The following MFHAS1 variants were observed in gnomAD, a reference collection of about 807,000 sequenced individuals.
MFHAS1 encodes malignant fibrous histiocytoma-amplified sequence 1.
In MFHAS1, 50 loss-of-function variants were observed where a neutral mutation model predicts 70.4. That is an observed-to-expected ratio of 0.71 (90% CI 0.57 to 0.90). The LOEUF (loss-of-function observed/expected upper bound fraction) is 0.90. Among genes scored for constraint, MFHAS1 ranks in the 40% least tolerant of loss-of-function variants. The pLI is 0.00. For synonymous variants in MFHAS1, 952 were observed against 620.0 expected (o/e 1.54, Z -7.96); for missense variants, 1,795 against 1,347.6 (o/e 1.33, Z -5.20).
chr8:8,869,232 G>A (rs1247046029), intron 1 of MFHAS1, among the ~76,000 whole-genome samples: 2 of 152,114 alleles, frequency 1.3e-5, no homozygotes, highest in Non-Finnish European at 2.9e-5. Context: ...CACAGAACAG[G>A]ATAGCAAAAC....
At chr8:8,790,004 T>C (rs1301509394) in intron 2 of MFHAS1, among the ~76,000 whole-genome samples, 1 of 152,186 alleles carries the variant, frequency 6.6e-6, no homozygotes, top group Middle Eastern at 3.2e-3. Flanking sequence ...CTTTCCTGTG[T>C]AGTTCCTGAA....
At chr8:8,830,008 G>A (rs1807323045) in intron 1 of MFHAS1, among the ~76,000 whole-genome samples, 1 of 152,138 alleles carries the variant, frequency 6.6e-6, no homozygotes, top group African/African-American at 2.4e-5. Context: ...TCTGGGGTGT[G>A]GCCTGGGATT....
At chr8:8,877,161 A>G (rs1809328297) in intron 1 of MFHAS1, among the ~76,000 whole-genome samples, 1 of 151,854 alleles carries the variant, frequency 6.6e-6, no homozygotes. Flanking sequence ...CTAACTGGGC[A>G]TGGTGGCATG....
chr8:8,854,404 C>G (rs1200378754), intron 1 of MFHAS1, among the ~76,000 whole-genome samples: 11 of 152,166 alleles, frequency 7.2e-5, no homozygotes, highest in Non-Finnish European at 1.2e-4. Flanking sequence ...GCCTACAGTC[C>G]CAGCTACTCC....
At chr8:8,812,709 C>T (rs1806594871) in intron 1 of MFHAS1, among the ~76,000 whole-genome samples, 2 of 152,068 alleles carry the variant, frequency 1.3e-5, no homozygotes, top group African/African-American at 4.8e-5. Context: ...CTTGTTTTTG[C>T]CATAGGTTTT....
chr8:8,786,243 T>C (rs1284245840), intron 2 of MFHAS1, among the ~76,000 whole-genome samples, 188 bp from the exon 3 acceptor site: 1 of 152,260 alleles, frequency 6.6e-6, no homozygotes, highest in Non-Finnish European at 1.5e-5. Flanking sequence ...AGAGTCATTT[T>C]AGCAGTCTAT....
chr8:8,845,838 G>C (rs1335959965), intron 1 of MFHAS1, among the ~76,000 whole-genome samples: 1 of 152,064 alleles, frequency 6.6e-6, no homozygotes, highest in Non-Finnish European at 1.5e-5. Context: ...AGCTTTCCCA[G>C]TTCAATAAAT....
chr8:8,877,722 G>A (rs948761640), intron 1 of MFHAS1, among the ~76,000 whole-genome samples: 19 of 152,032 alleles, frequency 1.2e-4, no homozygotes, highest in African/African-American at 2.9e-4. Flanking sequence ...CTACCCTTCC[G>A]TTTTCCCAGC....
chr8:8,803,595 T>A (rs1806161773), intron 1 of MFHAS1, among the ~76,000 whole-genome samples: 1 of 114,358 alleles, frequency 8.7e-6, no homozygotes, highest in African/African-American at 2.7e-5. Flanking sequence ...CTTGTCATTA[T>A]TCCCTAAACA....
At chr8:8,838,704 T>G (rs1461706214) in intron 1 of MFHAS1, among the ~76,000 whole-genome samples, 1 of 151,348 alleles carries the variant, frequency 6.6e-6, no homozygotes, top group Non-Finnish European at 1.5e-5. Context: ...TTCCAGCTAC[T>G]CAGGAGGGTG....
At chr8:8,873,619 C>T (rs1205073110) in intron 1 of MFHAS1, among the ~76,000 whole-genome samples, 2 of 151,924 alleles carry the variant, frequency 1.3e-5, no homozygotes, top group Non-Finnish European at 2.9e-5. Flanking sequence ...ATAAAACATC[C>T]AAGAAACATT....
chr8:8,880,389 CT>C (rs1809472376), intron 1 of MFHAS1, among the ~76,000 whole-genome samples: 1 of 152,038 alleles, frequency 6.6e-6, no homozygotes, highest in South Asian at 2.1e-4. Context: ...TTTAAAATGG[CT>C]TTTTCATATT....
chr8:8,887,863 A>C lies in MFHAS1; in HGVS notation c.2998+2198T>G, dbSNP rs28448415. Among the ~76,000 whole-genome samples, 690 of 129,400 alleles carry C rather than the reference A, an allele frequency of 5.3e-3. 5 individuals are homozygous for C. Among genetic ancestry groups the C allele is most frequent in the African/African-American group, 0.019 (589 of 31,580 alleles). 84.9% of individuals were successfully genotyped at this position (129,400 alleles called of 152,430 possible). On this transcript the variant is annotated intron_variant, in intron 1 of 2. Coordinates refer to ENST00000276282, the MANE Select transcript of MFHAS1 (RefSeq NM_004225.3). ...AGCTGACGTTAGCAAAAAAAACAAA[A>C]AAAAAAAAAAAAAAACCTCCAGCCT...
At position 8,893,099 on chromosome 8, in the gene MFHAS1, C is replaced by G; in HGVS notation, c.-41G>C. ...CGACAGCCTCACGCGGACGCGGGAG[C>G]CCGCAGCTACATGCCGCGCCGCGCC... On this transcript the variant is annotated 5_prime_UTR_variant, in exon 1 of 3. Coordinates refer to ENST00000276282, the MANE Select transcript of MFHAS1 (RefSeq NM_004225.3). 1 of 1,377,446 alleles carries G rather than the reference C, an allele frequency of 7.3e-7. No homozygotes were observed. Among genetic ancestry groups the G allele is most frequent in the Non-Finnish European group, 9.4e-7 (1 of 1,058,564 alleles). 85.3% of individuals were successfully genotyped at this position (1,377,446 alleles called of 1,614,324 possible).
At chr8:8,815,516 T>C (rs1010732081) in intron 1 of MFHAS1, among the ~76,000 whole-genome samples, 1 of 152,212 alleles carries the variant, frequency 6.6e-6, no homozygotes, top group African/African-American at 2.4e-5. Flanking sequence ...CTCCACAGCT[T>C]CGCCAGCATC....
intron 1 of MFHAS1, among the ~76,000 whole-genome samples, chr8:8,875,869 G>A (rs896518276): frequency 6.6e-6 from 1 of 152,180 alleles, no homozygotes; most frequent in Middle Eastern, 3.2e-3. Context: ...TTACAGGTGT[G>A]AGCCACCATG....
intron 1 of MFHAS1, among the ~76,000 whole-genome samples, chr8:8,838,639 C>G (rs902696217): frequency 6.6e-6 from 1 of 152,024 alleles, no homozygotes; most frequent in Non-Finnish European, 1.5e-5. Flanking sequence ...ATGGCAAAAC[C>G]GTGTCTCTAC....
Position 8,865,621 on chromosome 8 carries a change from T to C in MFHAS1, c.2998+24440A>G, listed in dbSNP as rs531645843. On this transcript the variant is annotated intron_variant, in intron 1 of 2. Coordinates refer to ENST00000276282, the MANE Select transcript of MFHAS1 (RefSeq NM_004225.3). ...AAACTTCATTTTAGAAAATGGCTGT[T>C]AAGTACAATTGTATATCACTCAACT... 6.6e-5 allele frequency among the ~76,000 whole-genome samples: 10 copies of C among 152,334 alleles called. No individual in the cohort carries two copies. The East Asian group carries it at 1.5e-3, about 23-fold the overall frequency.
chr8:8,892,659 G>C lies in MFHAS1; in HGVS notation c.400C>G (p.Leu134Val). 1 of 1,591,660 alleles carries C rather than the reference G, an allele frequency of 6.3e-7. No homozygotes were observed. The highest frequency in any genetic ancestry group is 8.5e-7 in the Non-Finnish European group (1 of 1,169,710). Reference protein sequence around the residue: ...TALGAEVVSALRELRKLNLSH... With the variant: ...TALGAEVVSAVRELRKLNLSH... ...AGGTTGAGCTTCCGCAGCTCCCTCA[G>C]AGCACTCACCACCTCCGCGCCCAGG... The change falls in exon 1 of 3, where the codon CTG (leucine) becomes GTG (valine). Residue 134 changes from leucine (L) to valine (V), a missense_variant. Physicochemically the swap from Leu to Val is conservative, Grantham distance 32 (BLOSUM62 1). Transcript: ENST00000276282. The surrounding 1 kb of genome is among the most constrained non-coding windows in gnomAD (Gnocchi z 4.7).
Sources: allele counts gnomAD v4.1 joint callset (sites outside exome capture counted in the v4.1 genomes callset), GRCh38; gene constraint gnomAD v4.1.1; non-coding constraint Gnocchi (gnomAD v3.1); transcripts MANE v1.5; gene names NCBI Gene and HGNC (gene_info 2026-07-23, HGNC 2026-07-21).